DMD: variants seen among roughly 807,000 people sequenced by gnomAD.
DMD encodes the protein mutant dystrophin.
DMD carries 63 observed loss-of-function variants against 330.1 expected under a neutral mutation model. That is an observed-to-expected ratio of 0.19 (90% CI 0.16 to 0.24). The LOEUF is 0.24. Ranked by LOEUF, DMD falls within the 10% of genes least tolerant of loss-of-function variation. DMD has a pLI of 1.00. For missense variants in DMD, 3,344 were observed against 2,684.1 expected (o/e 1.25, Z -5.43); for synonymous variants, 1,223 against 959.8 (o/e 1.27, Z -5.07).
chrX:32,239,186 C>A lies in DMD; in HGVS notation c.6291-22123G>T, dbSNP rs757801542. 1.5e-4 allele frequency among the ~76,000 whole-genome samples: 17 copies of A among 111,400 alleles called. No individual in the cohort carries two copies. In the South Asian group the frequency reaches 6.4e-3, roughly 42 times the overall value. On this transcript the variant is annotated intron_variant, in intron 43 of 78. Transcript: ENST00000357033. ...GTCTCCGTACATTGTCAAACGTCCTCTGCAGGACAAAATCACCTCTATTTG... is the reference window on the plus strand; with the variant it reads ...GTCTCCGTACATTGTCAAACGTCCTATGCAGGACAAAATCACCTCTATTTG...
At chrX:32,683,898 T>G (rs978972320) in intron 9 of DMD, among the ~76,000 whole-genome samples, 1 of 110,088 alleles carries the variant, frequency 9.1e-6, no homozygotes, top group Non-Finnish European at 1.9e-5. Flanking sequence ...ATGACTTATT[T>G]GTTTAAAAAT....
chrX:32,596,509 C>T (rs2055552932), intron 12 of DMD, among the ~76,000 whole-genome samples: 1 of 107,962 alleles, frequency 9.3e-6, no homozygotes, highest in Non-Finnish European at 1.9e-5. Flanking sequence ...GACACCTTCT[C>T]TTGATTACCC....
intron 12 of DMD, among the ~76,000 whole-genome samples, chrX:32,597,505 G>A (rs900323407): frequency 1.8e-5 from 2 of 111,249 alleles, no homozygotes; most frequent in East Asian, 5.7e-4. Flanking sequence ...AGTGATTTTT[G>A]GTGTAATCAC....
At chrX:31,964,618 T>A (rs1262834412) in intron 45 of DMD, among the ~76,000 whole-genome samples, 1 of 109,406 alleles carries the variant, frequency 9.1e-6, no homozygotes, top group Non-Finnish European at 1.9e-5. Flanking sequence ...TGTGTGTGTG[T>A]GTGTGTGTGA....
intron 17 of DMD, among the ~76,000 whole-genome samples, chrX:32,520,292 AACTCCTTAAAT>A (rs1246167732): frequency 8.9e-6 from 1 of 112,099 alleles, no homozygotes; most frequent in Non-Finnish European, 1.9e-5. Flanking sequence ...CAGCGATGTT[AACTCCTTAAAT>A]ACTCTCCTAC....
At chrX:31,195,110 G>A (rs2042747853) in intron 67 of DMD, among the ~76,000 whole-genome samples, 1 of 112,169 alleles carries the variant, frequency 8.9e-6, no homozygotes. Context: ...TAGAAATCAA[G>A]TATTTTATTT....
At chrX:33,244,166 C>T (rs960531990) in intron 1 of DMD, among the ~76,000 whole-genome samples, 1 of 111,127 alleles carries the variant, frequency 9.0e-6, no homozygotes, top group Non-Finnish European at 1.9e-5. Flanking sequence ...TGAGTATCCT[C>T]GTCTTGTGCC....
At chrX:31,538,623 A>G (rs1254133687) in intron 55 of DMD, among the ~76,000 whole-genome samples, 1 of 112,231 alleles carries the variant, frequency 8.9e-6, no homozygotes, top group East Asian at 2.8e-4. Context: ...TGTCCTGCGA[A>G]GTAGTAGTAC....
intron 1 of DMD, among the ~76,000 whole-genome samples, chrX:33,192,456 G>A (rs2050711145): frequency 8.9e-6 from 1 of 112,186 alleles, no homozygotes; most frequent in Admixed American, 9.5e-5. Flanking sequence ...ACTTAGAACA[G>A]CAGAAGGAGC....
chrX:32,027,839 T>C (rs968193953), intron 44 of DMD, among the ~76,000 whole-genome samples: 3 of 112,703 alleles, frequency 2.7e-5, no homozygotes, highest in African/African-American at 9.7e-5. Context: ...TCAGTATTTA[T>C]ACAACTTGTT....
At chrX:31,937,220 G>T (rs1484800931) in intron 45 of DMD, among the ~76,000 whole-genome samples, 1 of 110,747 alleles carries the variant, frequency 9.0e-6, no homozygotes, top group Non-Finnish European at 1.9e-5. Context: ...GACTCAATGG[G>T]ACACTATAAA....
intron 33 of DMD, among the ~76,000 whole-genome samples, chrX:32,382,468 C>T (rs750694417): frequency 9.0e-6 from 1 of 111,440 alleles, no homozygotes; most frequent in South Asian, 3.7e-4. Flanking sequence ...TAAAATGCTA[C>T]AATCGAAATA....
intron 62 of DMD, among the ~76,000 whole-genome samples, chrX:31,306,984 T>C (rs1023519011): frequency 1.7e-4 from 19 of 111,304 alleles, no homozygotes; most frequent in African/African-American, 4.2e-4. Flanking sequence ...ATTAATTCTA[T>C]AGTTTCCAGG....
chrX:32,210,010 T>C (rs1332688432), intron 44 of DMD, among the ~76,000 whole-genome samples: 2 of 111,635 alleles, frequency 1.8e-5, no homozygotes, highest in Non-Finnish European at 3.8e-5. Flanking sequence ...TCTGAAAAGA[T>C]GGATAGGGGC....
At chrX:31,419,168 T>C (rs1358219629) in intron 60 of DMD, among the ~76,000 whole-genome samples, 2 of 106,139 alleles carry the variant, frequency 1.9e-5, no homozygotes, top group South Asian at 4.5e-4. Context: ...GGTCTCAGAC[T>C]CCTGGCCTCA....
At chrX:32,041,464 T>C (rs942352814) in intron 44 of DMD, among the ~76,000 whole-genome samples, 1 of 112,281 alleles carries the variant, frequency 8.9e-6, no homozygotes, top group Non-Finnish European at 1.9e-5. Flanking sequence ...GCCACAGTAT[T>C]CCCCAAATTC....
At position 33,079,772 on chromosome X, in the gene DMD, T is replaced by C. The variant is rs1432647733; in HGVS notation, c.32-59572A>G. Among the ~76,000 whole-genome samples, 6 of 111,584 alleles carry C rather than the reference T, an allele frequency of 5.4e-5. No individual in the cohort carries two copies. The Admixed American group carries it at 5.8e-4, about 11-fold the overall frequency. Reference sequence around the variant, plus strand: ...TAGAATCCCAGGTCACCATAAGTCATTCATTTGACCAAAACGATAACTCCA... The same window carrying C: ...TAGAATCCCAGGTCACCATAAGTCACTCATTTGACCAAAACGATAACTCCA... On this transcript the variant is annotated intron_variant, in intron 1 of 78. Coordinates refer to ENST00000357033, the MANE Select transcript of DMD (RefSeq NM_004006.3).
chrX:32,682,912 C>A, intron 9 of DMD, among the ~76,000 whole-genome samples: 1 of 111,665 alleles, frequency 9.0e-6, no homozygotes, highest in Non-Finnish European at 1.9e-5. Flanking sequence ...TGGGAGTATC[C>A]TAGATAGTAG....
At chrX:32,564,024 C>A (rs1303903079) in intron 16 of DMD, among the ~76,000 whole-genome samples, 1 of 111,668 alleles carries the variant, frequency 9.0e-6, no homozygotes, top group Admixed American at 9.6e-5. Context: ...ACCCTCCCAC[C>A]TCAAGTAGAT....
Sources: allele counts gnomAD v4.1 joint callset (sites outside exome capture counted in the v4.1 genomes callset), GRCh38; gene constraint gnomAD v4.1.1; transcripts MANE v1.5; gene names NCBI Gene and HGNC (gene_info 2026-07-23, HGNC 2026-07-21).